Variants in ERC2 observed in about 807,000 individuals in gnomAD.
The protein encoded by ERC2 is ELKS/RAB6-interacting/CAST family member 2.
Under a neutral mutation model 114.8 loss-of-function variants are expected in ERC2, and 42 were observed. That is an observed-to-expected ratio of 0.37 (90% confidence interval 0.29 to 0.47). The LOEUF is 0.47. Ranked by LOEUF, ERC2 falls within the 20% of genes least tolerant of loss-of-function variation. ERC2 has a pLI of 0.99. For synonymous variants in ERC2, 454 were observed against 425.5 expected (o/e 1.07, Z -0.82); for missense variants, 939 against 1,150.7 (o/e 0.82, Z 2.66).
chr3:56,299,107 TTTTTTTTTTTTG>T (rs1410584141), intron 2 of ERC2, among the ~76,000 whole-genome samples: 1 of 129,878 alleles, frequency 7.7e-6, no homozygotes, highest in Admixed American at 7.8e-5. Context: ...TTTTTTTTTG[TTTTTTTTTTTTG>T]TTTTTTTTTT....
At chr3:56,097,258 G>C (rs182372016) in intron 6 of ERC2, among the ~76,000 whole-genome samples, 1 of 152,194 alleles carries the variant, frequency 6.6e-6, no homozygotes, top group East Asian at 1.9e-4. Context: ...CATGAGTAAA[G>C]AAGACAATCA....
At chr3:55,527,254 A>T (rs2053385883) in intron 17 of ERC2, among the ~76,000 whole-genome samples, 1 of 152,234 alleles carries the variant, frequency 6.6e-6, no homozygotes, top group Non-Finnish European at 1.5e-5. Context: ...CGGAGATAGT[A>T]AAAATATCTA....
chr3:56,467,556 A>AT (rs899900895), intron 1 of ERC2, among the ~76,000 whole-genome samples: 4 of 151,842 alleles, frequency 2.6e-5, no homozygotes, highest in African/African-American at 9.7e-5. Flanking sequence ...CTCGTACGGT[A>AT]TTTTTTTTAA....
intron 3 of ERC2, among the ~76,000 whole-genome samples, chr3:56,213,086 G>A (rs928916761): frequency 6.6e-6 from 1 of 152,202 alleles, no homozygotes; most frequent in South Asian, 2.1e-4. Flanking sequence ...CTCCCAGCAT[G>A]AGCAACGCAG....
chr3:56,245,927 T>C (rs1353705763), intron 3 of ERC2, among the ~76,000 whole-genome samples: 1 of 152,116 alleles, frequency 6.6e-6, no homozygotes, highest in African/African-American at 2.4e-5. Flanking sequence ...AGTAGATACA[T>C]ACCTTTTAGC....
intron 4 of ERC2, among the ~76,000 whole-genome samples, chr3:56,163,486 T>C (rs765637908): frequency 5.9e-5 from 9 of 152,122 alleles, no homozygotes; most frequent in Non-Finnish European, 8.8e-5. Flanking sequence ...CCCACTATTA[T>C]TGTGTGTTGC....
chr3:56,202,726 C>A (rs779099058), intron 3 of ERC2, among the ~76,000 whole-genome samples: 2 of 151,804 alleles, frequency 1.3e-5, no homozygotes, highest in Non-Finnish European at 2.9e-5. Flanking sequence ...ATGTATGGAA[C>A]CTAAAGAAGT....
chr3:55,587,952 G>C (rs1019682645), intron 17 of ERC2, among the ~76,000 whole-genome samples: 1 of 152,170 alleles, frequency 6.6e-6, no homozygotes, highest in Non-Finnish European at 1.5e-5. Context: ...ACCAGCTGTG[G>C]CAGAGCTCTT....
intron 3 of ERC2, among the ~76,000 whole-genome samples, chr3:56,202,095 C>T (rs1439667797): frequency 6.6e-6 from 1 of 152,196 alleles, no homozygotes; most frequent in Non-Finnish European, 1.5e-5. Flanking sequence ...CATCTGAGCA[C>T]AGCACAAGGT....
intron 12 of ERC2, among the ~76,000 whole-genome samples, chr3:55,984,352 T>C (rs1283094920): frequency 6.6e-6 from 1 of 151,200 alleles, no homozygotes; most frequent in Non-Finnish European, 1.5e-5. Flanking sequence ...ACCACAGTAG[T>C]GTATAGGTAA....
chr3:55,661,499 C>T (rs1369722564), intron 17 of ERC2, among the ~76,000 whole-genome samples: 1 of 152,218 alleles, frequency 6.6e-6, no homozygotes, highest in African/African-American at 2.4e-5. Flanking sequence ...AATCTCTCCC[C>T]TTCCCTCTTC....
At chr3:55,596,870 T>C (rs1011893265) in intron 17 of ERC2, among the ~76,000 whole-genome samples, 1 of 152,190 alleles carries the variant, frequency 6.6e-6, no homozygotes, top group African/African-American at 2.4e-5. Context: ...ATAATGATTA[T>C]GAGGATTTTA....
chr3:56,336,171 C>T lies in ERC2; in HGVS notation c.658-39736G>A, dbSNP rs577699484. 3.9e-5 allele frequency among the ~76,000 whole-genome samples: 6 copies of T among 152,228 alleles called. No homozygotes were observed. The South Asian group carries it at 1.2e-3, about 32-fold the overall frequency. Reference sequence around the variant, plus strand: ...AACACAGTGAACCTGGATTTGAATACCAGCTCTGCCTGACATTTATTAGCT... The same window carrying T: ...AACACAGTGAACCTGGATTTGAATATCAGCTCTGCCTGACATTTATTAGCT... On this transcript the variant is annotated intron_variant, in intron 2 of 17. Transcript: ENST00000288221.
At chr3:55,567,892 A>G (rs997583602) in intron 17 of ERC2, among the ~76,000 whole-genome samples, 1 of 152,102 alleles carries the variant, frequency 6.6e-6, no homozygotes, top group Non-Finnish European at 1.5e-5. Flanking sequence ...TAACTGTTTT[A>G]TCACTATCTG....
intron 14 of ERC2, among the ~76,000 whole-genome samples, chr3:55,826,206 C>T (rs1344240266): frequency 6.6e-6 from 1 of 152,184 alleles, no homozygotes; most frequent in Non-Finnish European, 1.5e-5. Flanking sequence ...AACACCAGCA[C>T]ACTTGTCTTC....
At chr3:55,937,658 TA>T (rs1326938344) in intron 13 of ERC2, among the ~76,000 whole-genome samples, 1 of 151,664 alleles carries the variant, frequency 6.6e-6, no homozygotes, top group Non-Finnish European at 1.5e-5. Context: ...AATACAAGAG[TA>T]AAAAAAAGCA....
rs546879770 is a variant in ERC2 at position 56,244,878 on chromosome 3, A to G, written c.1074+51141T>C. Among the ~76,000 whole-genome samples, 20 of 152,276 alleles carry G rather than the reference A, an allele frequency of 1.3e-4. No individual in the cohort carries two copies. The East Asian group carries it at 3.9e-3, about 29-fold the overall frequency. On this transcript the variant is annotated intron_variant, in intron 3 of 17. Coordinates refer to ENST00000288221, the MANE Select transcript of ERC2 (RefSeq NM_015576.3). ...ACTCCATTCATGGTAGGTGGCCTAC[A>G]TGGTTCTCCTACCTTCTCTCTTTCA...
chr3:55,902,678 C>T (rs996086481), intron 13 of ERC2, among the ~76,000 whole-genome samples: 3 of 152,330 alleles, frequency 2.0e-5, no homozygotes, highest in South Asian at 2.1e-4. Context: ...CAGTCATCAG[C>T]GTGCTGCTCA....
chr3:55,793,918 T>C (rs773234357), intron 14 of ERC2, among the ~76,000 whole-genome samples: 14 of 152,166 alleles, frequency 9.2e-5, no homozygotes, highest in Non-Finnish European at 1.6e-4. Flanking sequence ...CCCTGTGTAA[T>C]TGCCTAGATA....
Sources: allele counts gnomAD v4.1 joint callset (sites outside exome capture counted in the v4.1 genomes callset), GRCh38; gene constraint gnomAD v4.1.1; transcripts MANE v1.5; gene names NCBI Gene and HGNC (gene_info 2026-07-23, HGNC 2026-07-21).